RAB3GAP2: variants seen among roughly 807,000 people sequenced by gnomAD.
RAB3GAP2 encodes the protein RAB3 GTPase activating non-catalytic protein subunit 2.
In RAB3GAP2, 87 loss-of-function variants were observed where a neutral mutation model predicts 185.3. The observed-to-expected ratio is 0.47, with a 90% CI of 0.39 to 0.56. The LOEUF (loss-of-function observed/expected upper bound fraction) is 0.56. Ranked by LOEUF, RAB3GAP2 falls within the 20% of genes least tolerant of loss-of-function variation. The probability of loss-of-function intolerance (pLI) is 0.00; values close to 1 mark genes in which losing one functional copy is unlikely to be tolerated. For synonymous variants in RAB3GAP2, 554 were observed against 576.1 expected (o/e 0.96, Z 0.55); for missense variants, 1,492 against 1,638.2 (o/e 0.91, Z 1.54).
Position 220,206,006 on chromosome 1 carries a change from T to C in RAB3GAP2, c.613A>G (p.Asn205Asp), listed in dbSNP as rs976791693. 4 of 1,573,646 alleles carry C rather than the reference T, an allele frequency of 2.5e-6. No homozygotes were observed. The African/African-American group carries it at 4.1e-5, about 16-fold the overall frequency. Reference protein sequence around the residue: ...IPRHPGVTEQNEELSILYPAA... With the variant: ...IPRHPGVTEQDEELSILYPAA... Reference sequence around the variant, plus strand: ...GGATATAAGATACTCAACTCTTCATTCTATTTAAGAAATAAAAAAAAAAAG... The same window carrying C: ...GGATATAAGATACTCAACTCTTCATCCTATTTAAGAAATAAAAAAAAAAAG... Residue 205 changes from asparagine (N) to aspartate (D), a missense_variant and splice_region_variant, in exon 8 of 35, where the codon AAT becomes GAT. Physicochemically the swap from Asn to Asp is conservative, Grantham distance 23. Coordinates refer to ENST00000358951, the MANE Select transcript of RAB3GAP2 (RefSeq NM_012414.4).
At chr1:220,187,640 G>A (rs1048933537) in intron 17 of RAB3GAP2, among the ~76,000 whole-genome samples, 25 of 152,046 alleles carry the variant, frequency 1.6e-4, no homozygotes, top group African/African-American at 5.6e-4. Context: ...AAAGGACAAG[G>A]GTTGGAAGAG....
chr1:220,212,790 A>G, intron 4 of RAB3GAP2, 97 bp downstream of exon 4: 1 of 1,042,924 alleles, frequency 9.6e-7, no homozygotes, highest in Non-Finnish European at 1.5e-6. Flanking sequence ...ACTGCACCCA[A>G]TCAAATAATG....
At chr1:220,247,609 G>A (rs1276008315) in intron 1 of RAB3GAP2, among the ~76,000 whole-genome samples, 1 of 152,126 alleles carries the variant, frequency 6.6e-6, no homozygotes, top group Non-Finnish European at 1.5e-5. Context: ...GGGAGGTTGG[G>A]AGGGAGATGA....
intron 31 of RAB3GAP2, among the ~76,000 whole-genome samples, chr1:220,155,400 C>T (rs1003254842): frequency 3.9e-5 from 6 of 152,152 alleles, no homozygotes; most frequent in East Asian, 1.9e-4. Flanking sequence ...TAAGAAAAAC[C>T]GGACTTACAG....
At chr1:220,181,095 T>C (rs1448867969) in intron 21 of RAB3GAP2, among the ~76,000 whole-genome samples, 1 of 152,184 alleles carries the variant, frequency 6.6e-6, no homozygotes, top group East Asian at 1.9e-4. Flanking sequence ...ATACAGGAGA[T>C]GTGCATAGGT....
chr1:220,203,097 G>T (rs1050629329), intron 8 of RAB3GAP2, among the ~76,000 whole-genome samples: 1 of 152,156 alleles, frequency 6.6e-6, no homozygotes, highest in African/African-American at 2.4e-5. Flanking sequence ...GATATACTTG[G>T]CAGAGCACAC....
At chr1:220,183,212 T>C (rs1315210068) in intron 19 of RAB3GAP2, among the ~76,000 whole-genome samples, 2 of 152,060 alleles carry the variant, frequency 1.3e-5, no homozygotes, top group Admixed American at 6.6e-5. Flanking sequence ...TTTTAGGATA[T>C]TTCTTGAGGG....
At chr1:220,230,562 C>T (rs1313039390) in intron 2 of RAB3GAP2, among the ~76,000 whole-genome samples, 1 of 152,180 alleles carries the variant, frequency 6.6e-6, no homozygotes, top group East Asian at 1.9e-4. Context: ...TTTTTCCATA[C>T]ATCTCTATTA....
At chr1:220,213,740 GGGGGA>G (rs1659128196) in intron 3 of RAB3GAP2, 111 bp downstream of exon 3, 3 of 1,002,152 alleles carry the variant, frequency 3.0e-6, no homozygotes, top group Non-Finnish European at 4.2e-6. Flanking sequence ...GTTGGGGGGG[GGGGGA>G]GAGAGAGAGA....
intron 31 of RAB3GAP2, chr1:220,154,267 G>GT: frequency 1.6e-6 from 1 of 632,412 alleles, no homozygotes; most frequent in Non-Finnish European, 2.5e-6. Context: ...CCTGGTATTC[G>GT]TGTTTCCTAT....
intron 4 of RAB3GAP2, 36 bp from the exon 5 acceptor site, chr1:220,211,038 G>C (rs1217483111): frequency 6.3e-7 from 1 of 1,584,894 alleles, no homozygotes; most frequent in African/African-American, 1.3e-5. Flanking sequence ...CTTACCCACT[G>C]AACTTACCAA....
intron 1 of RAB3GAP2, among the ~76,000 whole-genome samples, chr1:220,249,954 A>G (rs930044485): frequency 6.6e-6 from 1 of 152,208 alleles, no homozygotes; most frequent in Non-Finnish European, 1.5e-5. Context: ...AGTTTGCTGC[A>G]GGGGCAGAAC....
At chr1:220,190,210 C>T in intron 15 of RAB3GAP2, 64 bp from the exon 16 acceptor site, 1 of 1,525,944 alleles carries the variant, frequency 6.6e-7, no homozygotes, top group South Asian at 1.1e-5. Flanking sequence ...AATTCTGACA[C>T]ACTCCAACTT....
At chr1:220,240,188 T>G (rs1259878824) in intron 1 of RAB3GAP2, among the ~76,000 whole-genome samples, 1 of 152,130 alleles carries the variant, frequency 6.6e-6, no homozygotes, top group Non-Finnish European at 1.5e-5. Flanking sequence ...ACGATTCACA[T>G]CCATAGGAGA....
rs759185013 is a variant in RAB3GAP2 at position 220,196,313 on chromosome 1, A to G, written c.897T>C (p.Pro299=). ...GFNAAIKNSP[P]AMSQYITVGS... is the part of the protein sequence containing the mutation. Reference sequence around the variant, plus strand: ...CTACAGTGATATACTGAGACATGGCAGGTGGACTATTTTTAATTGCTGCAT... The same window carrying G: ...CTACAGTGATATACTGAGACATGGCGGGTGGACTATTTTTAATTGCTGCAT... Residue 299 remains proline (P), a synonymous_variant, in exon 10 of 35, where the codon CCT becomes CCC. Transcript: ENST00000358951. 6.2e-7 allele frequency: 1 copy of G among 1,612,044 alleles called. No individual in the cohort carries two copies. Among genetic ancestry groups the G allele is most frequent in the Non-Finnish European group, 8.5e-7 (1 of 1,178,162 alleles).
At position 220,213,820 on chromosome 1, in the gene RAB3GAP2, CAAAATAAAGGTCGCTG is replaced by C; in HGVS notation, c.304+20_304+35del. ...CCATTTTCTCTTCTATCCAATGTAT[CAAAATAAAGGTCGCTG>C]AAAATAATAGGATACTCACGCACTA... is the stretch of plus-strand genomic sequence containing the variant. On this transcript the variant is annotated intron_variant, in intron 3 of 34. Transcript: ENST00000358951. 1 of 1,593,054 alleles carries C rather than the reference CAAAATAAAGGTCGCTG, an allele frequency of 6.3e-7. No homozygotes were observed. Among genetic ancestry groups the C allele is most frequent in the Non-Finnish European group, 8.6e-7 (1 of 1,163,142 alleles).
intron 27 of RAB3GAP2, among the ~76,000 whole-genome samples, chr1:220,163,186 T>C (rs1482826669): frequency 6.6e-6 from 1 of 152,098 alleles, no homozygotes; most frequent in Non-Finnish European, 1.5e-5. Context: ...CAGTTGTCAA[T>C]TAGGCAATGT....
chr1:220,232,781 A>G lies in RAB3GAP2; in HGVS notation c.180+18T>C, dbSNP rs1180775912. 1.9e-6 allele frequency: 3 copies of G among 1,597,070 alleles called. No individual in the cohort carries two copies. The highest frequency in any genetic ancestry group is 2.7e-5 in the African/African-American group (2 of 74,464). On this transcript the variant is annotated intron_variant, in intron 2 of 34. Coordinates refer to ENST00000358951, the MANE Select transcript of RAB3GAP2 (RefSeq NM_012414.4). ...AATGCCACTATCAAAAAACATGCAT[A>G]TATTTGTAAAGACTTACAGGTTCTT...
chr1:220,181,344 G>C (rs1226508821), intron 21 of RAB3GAP2, among the ~76,000 whole-genome samples: 1 of 152,082 alleles, frequency 6.6e-6, no homozygotes, highest in Non-Finnish European at 1.5e-5. Context: ...TTTGGTAATG[G>C]AGGGGGAGGT....
Sources: gnomAD v4.1 joint callset for allele counts (sites outside exome capture counted in the v4.1 genomes callset) on GRCh38, gnomAD v4.1.1 for gene constraint, MANE v1.5 for transcripts, NCBI Gene and HGNC (gene_info 2026-07-23, HGNC 2026-07-21) for gene names.